THAP3: variants seen among roughly 807,000 people sequenced by gnomAD.
The protein encoded by THAP3 is THAP domain containing 3, also known as THAP domain-containing protein 3.
THAP3 carries 12 observed loss-of-function variants against 17.7 expected under a neutral mutation model. That is an observed-to-expected ratio of 0.68 (90% confidence interval 0.43 to 1.10). The LOEUF is 1.10. Among genes scored for constraint, THAP3 ranks in the 50% least tolerant of loss-of-function variants. The probability of loss-of-function intolerance (pLI) is 0.00; values close to 1 mark genes in which losing one functional copy is unlikely to be tolerated. For missense variants in THAP3, 289 were observed against 318.0 expected (o/e 0.91, Z 0.69); for synonymous variants, 133 against 126.9 (o/e 1.05, Z -0.32).
rs1641527235 is a variant in THAP3 at position 6,628,663 on chromosome 1, C to T, written c.239C>T (p.Thr80Met). 8.1e-6 allele frequency: 13 copies of T among 1,613,414 alleles called. No individual in the cohort carries two copies. Among genetic ancestry groups the T allele is most frequent in the Non-Finnish European group, 1.1e-5 (13 of 1,179,904 alleles). The change falls in exon 3 of 6, where the codon ACG becomes ATG. Residue 80 changes from threonine (T) to methionine (M), a missense_variant. Thr to Met is a moderately conservative substitution (Grantham distance 81). Coordinates refer to ENST00000054650, the MANE Select transcript of THAP3 (RefSeq NM_001195753.2). ...AACCTAAAGCACAATGCCGTGCCCA[C>T]GGTGTTCGCCTTTCAGGACCCCACA... ...RKNLKHNAVPTVFAFQDPTQQ... is the reference protein window; with the variant it reads ...RKNLKHNAVPMVFAFQDPTQQ...
downstream of THAP3, chr1:6,634,787 G>C (rs1641726791): frequency 7.6e-7 from 1 of 1,312,834 alleles, no homozygotes; most frequent in Admixed American, 2.2e-5. Context: ...AGTGCCACCT[G>C]CTGGGTACCA....
chr1:6,625,103 G>A (rs945673414), intron 1 of THAP3, 47 bp from the exon 2 acceptor site: 22 of 1,215,802 alleles, frequency 1.8e-5, no homozygotes, highest in African/African-American at 3.2e-5. Flanking sequence ...CCCTGGAGGC[G>A]AGCCAGGCCC....
Position 6,624,899 on chromosome 1 carries a change from T to G in THAP3, c.-125T>G. 2.5e-6 allele frequency: 1 copy of G among 396,770 alleles called. No homozygotes were observed. Among genetic ancestry groups the G allele is most frequent in the Non-Finnish European group, 4.6e-6 (1 of 217,664 alleles). 24.6% of individuals were successfully genotyped at this position (396,770 alleles called of 1,614,324 possible). A position where few individuals can be genotyped will look rare whatever the true frequency, so the allele number is the denominator to read the frequency against. ...GTCCAAGCCTGTGAGTGGCTATGCG[T>G]CCTGGTTGGGTGCTCAAAGCAAGGA... On this transcript the variant is annotated 5_prime_UTR_variant, in exon 1 of 6. Transcript: ENST00000054650.
intron 4 of THAP3, among the ~76,000 whole-genome samples, chr1:6,630,821 C>T (rs531891200): frequency 2.0e-5 from 3 of 152,118 alleles, no homozygotes; most frequent in Non-Finnish European, 4.4e-5. Context: ...ATCCACCCAC[C>T]TCTGCCTCAC....
intron 2 of THAP3, among the ~76,000 whole-genome samples, chr1:6,626,880 G>A (rs1641482623): frequency 6.6e-6 from 1 of 152,186 alleles, no homozygotes; most frequent in African/African-American, 2.4e-5. Flanking sequence ...GTTTTGGCCA[G>A]TTTTGGTGGG....
intron 3 of THAP3, 116 bp from the exon 4 acceptor site, chr1:6,630,172 T>A (rs1419106090): frequency 1.0e-5 from 9 of 874,566 alleles, no homozygotes; most frequent in African/African-American, 1.7e-5. Flanking sequence ...TAGCAGCTGT[T>A]CGTTGACTGG....
chr1:6,625,384 A>C, intron 2 of THAP3, 92 bp downstream of exon 2: 1 of 1,190,854 alleles, frequency 8.4e-7, no homozygotes, highest in Non-Finnish European at 1.1e-6. Flanking sequence ...GGAGGCCCAA[A>C]GGCGTGCGGC....
rs1251965006 is a variant in THAP3, at chr1:6,628,559, C to T, written c.135C>T (p.Asn45=). Residue 45 remains asparagine, a synonymous_variant, in exon 3 of 6, where the codon AAC becomes AAT. Coordinates refer to ENST00000054650, the MANE Select transcript of THAP3 (RefSeq NM_001195753.2). ...KEWVLNIGRG[N]FKPKQHTVIC... Reference sequence around the variant, plus strand: ...GGGTGCTGAACATCGGCCGGGGCAACTTCAAGCCCAAGCAGCACACGGTCA... The same window carrying T: ...GGGTGCTGAACATCGGCCGGGGCAATTTCAAGCCCAAGCAGCACACGGTCA... The T allele has an allele frequency of 6.2e-7, 1 of 1,613,864 alleles. No individual in the cohort carries two copies. The highest frequency in any genetic ancestry group is 8.5e-7 in the Non-Finnish European group (1 of 1,180,016).
At position 6,628,654 on chromosome 1, in the gene THAP3, C is replaced by T; in HGVS notation, c.230C>T (p.Ala77Val). 1 of 1,613,562 alleles carries T rather than the reference C, an allele frequency of 6.2e-7. No individual in the cohort carries two copies. The highest frequency in any genetic ancestry group is 8.5e-7 in the Non-Finnish European group (1 of 1,179,948). ...FGNRKNLKHNAVPTVFAFQDP... is the reference protein window; with the variant it reads ...FGNRKNLKHNVVPTVFAFQDP... Reference sequence around the variant, plus strand: ...AACCGCAAGAACCTAAAGCACAATGCCGTGCCCACGGTGTTCGCCTTTCAG... The same window carrying T: ...AACCGCAAGAACCTAAAGCACAATGTCGTGCCCACGGTGTTCGCCTTTCAG... Residue 77 changes from alanine to valine, a missense_variant, in exon 3 of 6, where the codon GCC (alanine) becomes GTC (valine). Transcript: ENST00000054650.
chr1:6,625,128 G>C (rs1641424285), intron 1 of THAP3, 22 bp from the exon 2 acceptor site: 1 of 1,395,636 alleles, frequency 7.2e-7, no homozygotes, highest in Admixed American at 2.1e-5. Context: ...CCACCTCCCA[G>C]CGGCCCCGCC....
At chr1:6,631,457 C>T (rs985087710) in intron 4 of THAP3, among the ~76,000 whole-genome samples, 11 of 151,512 alleles carry the variant, frequency 7.3e-5, no homozygotes, top group African/African-American at 2.7e-4. Flanking sequence ...GTAAAAACCC[C>T]ATCTCTACTA....
chr1:6,634,691 G>GTGGAGGAAGGGTC, downstream of THAP3: 1 of 1,366,066 alleles, frequency 7.3e-7, no homozygotes, highest in Non-Finnish European at 9.8e-7. Context: ...AAGTGGGCAC[G>GTGGAGGAAGGGTC]TGGAGGAAGG....
chr1:6,631,334 G>A (rs1370061301), intron 4 of THAP3, among the ~76,000 whole-genome samples: 1 of 152,144 alleles, frequency 6.6e-6, no homozygotes, highest in African/African-American at 2.4e-5. Flanking sequence ...ATTTCTTAAA[G>A]TTCAGTTCCA....
At chr1:6,631,927 G>A (rs1641625725) in intron 4 of THAP3, among the ~76,000 whole-genome samples, 1 of 151,346 alleles carries the variant, frequency 6.6e-6, no homozygotes, top group African/African-American at 2.4e-5. Flanking sequence ...GCATGTGCCT[G>A]TAGTCCCAGC....
chr1:6,628,376 C>T (rs1007195357), intron 2 of THAP3, 123 bp from the exon 3 acceptor site: 55 of 756,692 alleles, frequency 7.3e-5, no homozygotes, highest in African/African-American at 7.1e-4. Context: ...TTTAATAAAC[C>T]GAGAGGACTG....
chr1:6,625,791 C>A (rs12127219), intron 2 of THAP3, among the ~76,000 whole-genome samples: 103,039 of 151,838 alleles, frequency 0.68, 35,273 homozygotes, highest in Middle Eastern at 0.79. Context: ...TCATTAGTCA[C>A]AGTTGCGCTT....
At chr1:6,625,111 C>A in intron 1 of THAP3, 39 bp from the exon 2 acceptor site, 1 of 1,276,790 alleles carries the variant, frequency 7.8e-7, no homozygotes, top group Non-Finnish European at 1.1e-6. Context: ...GCGAGCCAGG[C>A]CCGTCACCAC....
chr1:6,626,194 C>T (rs1416407136), intron 2 of THAP3, among the ~76,000 whole-genome samples: 1 of 152,122 alleles, frequency 6.6e-6, no homozygotes, highest in Admixed American at 6.5e-5. Context: ...CCTGTAGTCC[C>T]AGCTGCTCGG....
At chr1:6,635,591 A>T (rs1212964257), downstream of THAP3, 2 of 1,388,684 alleles carry the variant, frequency 1.4e-6, no homozygotes, top group Admixed American at 3.8e-5. Flanking sequence ...AAAACATCTG[A>T]TGTCTGGGTT....
Sources: allele counts gnomAD v4.1 joint callset (sites outside exome capture counted in the v4.1 genomes callset), GRCh38; gene constraint gnomAD v4.1.1; transcripts MANE v1.5; gene names NCBI Gene and HGNC (gene_info 2026-07-23, HGNC 2026-07-21).